The following FIGN variants were observed in gnomAD, a reference collection of about 807,000 sequenced individuals.
The protein encoded by FIGN is fidgetin, microtubule severing factor.
A neutral mutation model predicts 51.3 loss-of-function variants in FIGN; 11 were observed. The observed-to-expected ratio is 0.21, with a 90% CI of 0.13 to 0.35. The LOEUF is 0.35. FIGN is among the 10% of genes least tolerant of loss of function. The probability of loss-of-function intolerance (pLI) is 1.00; values close to 1 mark genes in which losing one functional copy is unlikely to be tolerated. For synonymous variants in FIGN, 407 were observed against 363.2 expected (o/e 1.12, Z -1.37); for missense variants, 857 against 943.6 (o/e 0.91, Z 1.20).
Position 163,607,300 on chromosome 2 carries a change from G to A in FIGN, c.*2252C>T, listed in dbSNP as rs1170933009. ...ACGATTGTAGCATTTATTCACTTGCGAAAAGCAGAGGGCGTATTTAAGTAT... is the reference window on the plus strand; with the variant it reads ...ACGATTGTAGCATTTATTCACTTGCAAAAAGCAGAGGGCGTATTTAAGTAT... On this transcript the variant is annotated 3_prime_UTR_variant, in exon 3 of 3. Transcript: ENST00000333129. 3 of 152,178 alleles carry A rather than the reference G, an allele frequency of 2.0e-5. No individual in the cohort carries two copies. The highest frequency in any genetic ancestry group is 2.9e-5 in the Non-Finnish European group (2 of 68,012). 9.4% of individuals were successfully genotyped at this position (152,178 alleles called of 1,614,324 possible). A position where few individuals can be genotyped will look rare whatever the true frequency, so the allele number is the denominator to read the frequency against.
chr2:163,668,679 G>A (rs533122677), intron 2 of FIGN, among the ~76,000 whole-genome samples: 6 of 152,270 alleles, frequency 3.9e-5, no homozygotes, highest in Non-Finnish European at 4.4e-5. Context: ...AGTGGCTCAC[G>A]CCTGTAATCC....
intron 2 of FIGN, among the ~76,000 whole-genome samples, chr2:163,680,920 T>C (rs908402906): frequency 1.3e-5 from 2 of 152,244 alleles, no homozygotes; most frequent in African/African-American, 4.8e-5. Flanking sequence ...GAATAAGCTA[T>C]AATAGTAACA....
At chr2:163,672,051 A>C (rs1683885181) in intron 2 of FIGN, among the ~76,000 whole-genome samples, 1 of 152,124 alleles carries the variant, frequency 6.6e-6, no homozygotes, top group Non-Finnish European at 1.5e-5. Flanking sequence ...ATGTGTCATA[A>C]ACGGCTAACA....
At chr2:163,723,875 A>G (rs1684798008) in intron 2 of FIGN, among the ~76,000 whole-genome samples, 1 of 152,210 alleles carries the variant, frequency 6.6e-6, no homozygotes, top group South Asian at 2.1e-4. Flanking sequence ...ATGAATGCTT[A>G]TCATCTCTTC....
chr2:163,636,469 G>C (rs1234034260), intron 2 of FIGN, among the ~76,000 whole-genome samples: 1 of 152,068 alleles, frequency 6.6e-6, no homozygotes, highest in Non-Finnish European at 1.5e-5. Context: ...ATTTTTAGTA[G>C]AGACGGGGTT....
chr2:163,615,004 G>C (rs776872195), intron 2 of FIGN, among the ~76,000 whole-genome samples: 27 of 152,074 alleles, frequency 1.8e-4, no homozygotes, highest in Non-Finnish European at 2.9e-4. Flanking sequence ...CATGGTTTAA[G>C]TCTAGCAAAA....
chr2:163,730,395 C>T (rs1684907526), intron 2 of FIGN, among the ~76,000 whole-genome samples: 1 of 152,078 alleles, frequency 6.6e-6, no homozygotes, highest in Admixed American at 6.6e-5. Context: ...CAAAATCCAA[C>T]CATGGAAAGC....
intron 2 of FIGN, among the ~76,000 whole-genome samples, chr2:163,713,878 G>A (rs1241425991): frequency 6.6e-6 from 1 of 152,162 alleles, no homozygotes; most frequent in Non-Finnish European, 1.5e-5. Flanking sequence ...GAAGGTGACT[G>A]TAGAGCCTGA....
Position 163,713,242 on chromosome 2 carries a change from A to T in FIGN, c.25+21661T>A, listed in dbSNP as rs544305391. On this transcript the variant is annotated intron_variant, in intron 2 of 2. Coordinates refer to ENST00000333129, the MANE Select transcript of FIGN (RefSeq NM_018086.4). ...TGAATTTTATTTTAAGGGATTAACA[A>T]GTAGCACATATGATCAGCAATGATA... Among the ~76,000 whole-genome samples the T allele has an allele frequency of 5.6e-4, 85 of 152,324 alleles. No individual in the cohort carries two copies. In the South Asian group the frequency reaches 7.2e-3, roughly 13 times the overall value.
chr2:163,683,794 A>T (rs187988106), intron 2 of FIGN, among the ~76,000 whole-genome samples: 1 of 152,350 alleles, frequency 6.6e-6, no homozygotes, highest in East Asian at 1.9e-4. Context: ...CCACTGAAAT[A>T]GAAGGGCAGG....
intron 2 of FIGN, among the ~76,000 whole-genome samples, chr2:163,686,226 C>A (rs1002497888): frequency 6.6e-6 from 1 of 152,150 alleles, no homozygotes. Context: ...CTGTCATATT[C>A]TGACATAAAT....
rs144139619 is a variant in FIGN, at chr2:163,698,464, C to T, written c.25+36439G>A. On this transcript the variant is annotated intron_variant, in intron 2 of 2. Transcript: ENST00000333129. Reference sequence around the variant, plus strand: ...AATGCCAGCCCCAAGACAGGGAGGCCCTGAAGCTGAGACAATGCAGGTCTT... The same window carrying T: ...AATGCCAGCCCCAAGACAGGGAGGCTCTGAAGCTGAGACAATGCAGGTCTT... Among the ~76,000 whole-genome samples, 1,337 of 152,058 alleles carry T rather than the reference C, an allele frequency of 8.8e-3. 23 individuals are homozygous for T. The highest frequency in any genetic ancestry group is 0.031 in the African/African-American group (1,276 of 41,464).
chr2:163,688,055 T>C (rs1242236280), intron 2 of FIGN, among the ~76,000 whole-genome samples: 3 of 152,196 alleles, frequency 2.0e-5, no homozygotes, highest in Non-Finnish European at 4.4e-5. Context: ...TAGTCTCCAT[T>C]GACAAAACTT....
intron 2 of FIGN, among the ~76,000 whole-genome samples, chr2:163,654,745 A>G (rs1683532798): frequency 6.6e-6 from 1 of 152,182 alleles, no homozygotes; most frequent in African/African-American, 2.4e-5. Flanking sequence ...AAGAAAGGAT[A>G]ATACTAGAGG....
chr2:163,611,459 G>C lies in FIGN; in HGVS notation c.373C>G (p.Pro125Ala). The C allele has an allele frequency of 6.2e-7, 1 of 1,614,202 alleles. No individual in the cohort carries two copies. The highest frequency in any genetic ancestry group is 8.5e-7 in the Non-Finnish European group (1 of 1,180,028). The change falls in exon 3 of 3, where the codon CCG becomes GCG. Residue 125 changes from proline (P) to alanine (A), a missense_variant. Pro to Ala is a conservative substitution (Grantham distance 27). Around this residue, in one of 3 missense-constraint regions of FIGN, gnomAD observed 799 missense variants for 849.5 expected, o/e 0.94. Transcript: ENST00000333129. ...GCTTTGCTGGCAGTGATAACATCCG[G>C]AACACAGTTCATGGGATAAACAGCT... is the stretch of plus-strand genomic sequence containing the variant. ...SEAVYPMNCV[P>A]DVITASKAGV...
intron 2 of FIGN, among the ~76,000 whole-genome samples, chr2:163,675,327 C>T (rs931979272): frequency 2.0e-5 from 3 of 152,200 alleles, no homozygotes; most frequent in African/African-American, 4.8e-5. Flanking sequence ...ACCTGGAATA[C>T]GTGACATCAC....
intron 2 of FIGN, among the ~76,000 whole-genome samples, chr2:163,704,919 A>G (rs934648152): frequency 4.6e-5 from 7 of 152,122 alleles, no homozygotes; most frequent in African/African-American, 1.7e-4. Context: ...ATATGCAACT[A>G]ATGTACCTCC....
At chr2:163,648,445 CAT>C (rs1683417452) in intron 2 of FIGN, among the ~76,000 whole-genome samples, 2 of 152,140 alleles carry the variant, frequency 1.3e-5, no homozygotes, top group African/African-American at 4.8e-5. Context: ...ACAAAGAGAA[CAT>C]ATCTTTTTCC....
In FIGN at chr2:163,609,810, A is replaced by C; in HGVS notation, c.2022T>G (p.Asn674Lys). 6.2e-7 allele frequency: 1 copy of C among 1,614,126 alleles called. No individual in the cohort carries two copies. Among genetic ancestry groups the C allele is most frequent in the Non-Finnish European group, 8.5e-7 (1 of 1,180,026 alleles). Residue 674 changes from asparagine to lysine, a missense_variant, in exon 3 of 3, where the codon AAT becomes AAG. Around this residue, in one of 3 missense-constraint regions of FIGN, gnomAD observed 799 missense variants for 849.5 expected, o/e 0.94. Coordinates refer to ENST00000333129, the MANE Select transcript of FIGN (RefSeq NM_018086.4). ...GGACGAGCAGTGCAAACTCCTTGTC[A>C]TTGAGACAGTAATTGTGCTGTGAGA... ...QLLSQHNYCL[N>K]DKEFALLVQR...
Sources: gnomAD v4.1 joint callset for allele counts (sites outside exome capture counted in the v4.1 genomes callset) on GRCh38, gnomAD v4.1.1 for gene constraint, gnomAD v4.1.1 regional missense constraint, MANE v1.5 for transcripts, NCBI Gene and HGNC (gene_info 2026-07-23, HGNC 2026-07-21) for gene names.